The following ARHGAP26 variants were observed in gnomAD, a reference collection of about 807,000 sequenced individuals.
The protein encoded by ARHGAP26 is Rho GTPase activating protein 26.
ARHGAP26 carries 38 observed loss-of-function variants against 104.8 expected under a neutral mutation model. The observed-to-expected ratio is 0.36, with a 90% CI of 0.28 to 0.48. The LOEUF (loss-of-function observed/expected upper bound fraction) is 0.48. Among genes scored for constraint, ARHGAP26 ranks in the 20% least tolerant of loss-of-function variants. ARHGAP26 has a pLI of 0.99. For missense variants in ARHGAP26, 704 were observed against 947.9 expected (o/e 0.74, Z 3.38); for synonymous variants, 341 against 340.0 (o/e 1.00, Z -0.03).
intron 11 of ARHGAP26, among the ~76,000 whole-genome samples, chr5:142,949,660 G>A (rs1422915977): frequency 6.6e-6 from 1 of 152,124 alleles, no homozygotes; most frequent in Non-Finnish European, 1.5e-5. Context: ...ATTGGTACAA[G>A]CAGAGGAAAT....
chr5:142,881,268 T>C (rs2152390494), intron 4 of ARHGAP26, among the ~76,000 whole-genome samples: 1 of 152,316 alleles, frequency 6.6e-6, no homozygotes, highest in Middle Eastern at 3.4e-3. Context: ...TTACTTCTCC[T>C]TCTGAGCACA....
rs151333331 is a variant in ARHGAP26, at chr5:143,050,120, G to A, written c.1286-4319G>A. On this transcript the variant is annotated intron_variant, in intron 14 of 22. Transcript: ENST00000645722. Reference sequence around the variant, plus strand: ...TTGGGCTATGTTGTTGGTGGGCAGAGGGCCACCACCTATCACATTGTTTCC... The same window carrying A: ...TTGGGCTATGTTGTTGGTGGGCAGAAGGCCACCACCTATCACATTGTTTCC... 1.6e-4 allele frequency among the ~76,000 whole-genome samples: 25 copies of A among 152,308 alleles called. 1 individual carries two copies. The highest frequency in any genetic ancestry group is 6.0e-4 in the African/African-American group (25 of 41,550).
At chr5:143,222,273 A>T in intron 22 of ARHGAP26, 85 bp from the exon 23 acceptor site, 1 of 568,804 alleles carries the variant, frequency 1.8e-6, no homozygotes, top group Non-Finnish European at 2.7e-6. Context: ...ACACACACAC[A>T]CACACACACA....
At position 142,863,466 on chromosome 5, in the gene ARHGAP26, A is replaced by G. The variant is rs868526691; in HGVS notation, c.155-9934A>G. On this transcript the variant is annotated intron_variant, in intron 1 of 22. Transcript: ENST00000645722. Reference sequence around the variant, plus strand: ...TAACTCTCCCTAGGTTCACATGTATAGTTGGTGGCTGCACAAGGAGACACG... The same window carrying G: ...TAACTCTCCCTAGGTTCACATGTATGGTTGGTGGCTGCACAAGGAGACACG... 1.3e-5 allele frequency among the ~76,000 whole-genome samples: 2 copies of G among 152,160 alleles called. 1 individual carries two copies. The highest frequency in any genetic ancestry group is 4.1e-4 in the South Asian group (2 of 4,824).
intron 20 of ARHGAP26, among the ~76,000 whole-genome samples, chr5:143,189,418 C>T (rs955093752): frequency 2.6e-5 from 4 of 152,170 alleles, no homozygotes; most frequent in Non-Finnish European, 5.9e-5. Flanking sequence ...ATCCAAATTA[C>T]ACCCACACAC....
chr5:142,778,731 T>C (rs1227453540), intron 1 of ARHGAP26, among the ~76,000 whole-genome samples: 2 of 152,248 alleles, frequency 1.3e-5, no homozygotes, highest in African/African-American at 4.8e-5. Flanking sequence ...GATGGATTCC[T>C]TCAAGTGGAA....
At chr5:143,022,215 G>A (rs1780438151) in intron 12 of ARHGAP26, among the ~76,000 whole-genome samples, 1 of 152,090 alleles carries the variant, frequency 6.6e-6, no homozygotes, top group Non-Finnish European at 1.5e-5. Context: ...GGGATTACAG[G>A]TGCCTGCTAC....
intron 11 of ARHGAP26, among the ~76,000 whole-genome samples, chr5:143,007,617 T>A (rs1778177668): frequency 6.6e-6 from 1 of 152,244 alleles, no homozygotes; most frequent in South Asian, 2.1e-4. Context: ...GTGCTCTGCC[T>A]AAATCGAATC....
At chr5:142,808,239 A>G (rs1321753783) in intron 1 of ARHGAP26, among the ~76,000 whole-genome samples, 3 of 6,040 alleles carry the variant, frequency 5.0e-4, no homozygotes, top group Non-Finnish European at 9.2e-4. Context: ...TGTCTCGGAA[A>G]AAAAAAAAAA....
intron 17 of ARHGAP26, among the ~76,000 whole-genome samples, chr5:143,102,466 T>C (rs1793386394): frequency 6.6e-6 from 1 of 152,208 alleles, no homozygotes; most frequent in African/African-American, 2.4e-5. Context: ...GCAATCTTTT[T>C]CCTCCCCTAA....
chr5:143,070,980 T>C (rs1232322229), intron 17 of ARHGAP26, among the ~76,000 whole-genome samples: 2 of 152,028 alleles, frequency 1.3e-5, no homozygotes, highest in African/African-American at 2.4e-5. Context: ...CTAAAACTTA[T>C]ATGGGACCAC....
intron 20 of ARHGAP26, chr5:143,169,623 A>G (rs985703663): frequency 5.3e-5 from 8 of 152,128 alleles, no homozygotes; most frequent in African/African-American, 1.9e-4. Flanking sequence ...CCCTTAACCA[A>G]TCTTTGTGGC....
At chr5:142,964,572 A>C (rs1598412344) in intron 11 of ARHGAP26, among the ~76,000 whole-genome samples, 1 of 140,114 alleles carries the variant, frequency 7.1e-6, no homozygotes, top group South Asian at 2.7e-4. Context: ...ACACACACAC[A>C]AAACAACAAC....
At chr5:143,113,909 G>A (rs1235804838) in intron 17 of ARHGAP26, among the ~76,000 whole-genome samples, 2 of 152,128 alleles carry the variant, frequency 1.3e-5, no homozygotes, top group African/African-American at 4.8e-5. Context: ...TGGTGGTGTG[G>A]GAGCAGGAGA....
intron 1 of ARHGAP26, among the ~76,000 whole-genome samples, chr5:142,810,797 A>G (rs1472148794): frequency 6.6e-6 from 1 of 152,276 alleles, no homozygotes; most frequent in Non-Finnish European, 1.5e-5. Flanking sequence ...TTAATAAAGA[A>G]CAAGTATAAT....
rs1176305487 is a variant in ARHGAP26, at chr5:143,223,235, C to T, written c.*789C>T. On this transcript the variant is annotated 3_prime_UTR_variant, in exon 23 of 23. Transcript: ENST00000645722. ...TCTTTGCATGACACATTTTTTTTCTCCCCTTTTTGGTACACTTTTTTTGAA... is the reference window on the plus strand; with the variant it reads ...TCTTTGCATGACACATTTTTTTTCTTCCCTTTTTGGTACACTTTTTTTGAA... 3 of 233,010 alleles carry T rather than the reference C, an allele frequency of 1.3e-5. No individual in the cohort carries two copies. The highest frequency in any genetic ancestry group is 5.6e-5 in the Admixed American group (1 of 17,760). The allele number at this position is 233,010 out of a possible 1,614,324, so 14.4% of individuals were successfully genotyped here.
At chr5:142,829,666 A>T (rs890221295) in intron 1 of ARHGAP26, among the ~76,000 whole-genome samples, 20 of 152,236 alleles carry the variant, frequency 1.3e-4, no homozygotes, top group Admixed American at 1.0e-3. Flanking sequence ...CTAAAATTAT[A>T]TGTGTAATTA....
intron 20 of ARHGAP26, among the ~76,000 whole-genome samples, chr5:143,190,008 A>G (rs1805695762): frequency 6.7e-6 from 1 of 149,842 alleles, no homozygotes; most frequent in Admixed American, 6.6e-5. Flanking sequence ...GTTTTACTAC[A>G]TCTTTGGAGG....
At position 142,904,955 on chromosome 5, in the gene ARHGAP26, G is replaced by T. The variant is rs140732846; in HGVS notation, c.832+1286G>T. Among the ~76,000 whole-genome samples the T allele has an allele frequency of 6.0e-3, 913 of 152,258 alleles. 10 individuals carry two copies. The highest frequency in any genetic ancestry group is 0.014 in the Middle Eastern group (4 of 294). On this transcript the variant is annotated intron_variant, in intron 8 of 22. Coordinates refer to ENST00000645722, the MANE Select transcript of ARHGAP26 (RefSeq NM_001135608.3). Reference sequence around the variant, plus strand: ...TACTCAAAAATTTGTTTGGACTTAAGTTTCCTGGTAACTGGGGCAGTAGTG... The same window carrying T: ...TACTCAAAAATTTGTTTGGACTTAATTTTCCTGGTAACTGGGGCAGTAGTG...
Sources: gnomAD v4.1 joint callset for allele counts (sites outside exome capture counted in the v4.1 genomes callset) on GRCh38, gnomAD v4.1.1 for gene constraint, MANE v1.5 for transcripts, NCBI Gene and HGNC (gene_info 2026-07-23, HGNC 2026-07-21) for gene names.